Variants in CACNA2D3 observed in about 807,000 individuals in gnomAD.
The protein encoded by CACNA2D3 is voltage-dependent calcium channel subunit alpha-2/delta-3.
A neutral mutation model predicts 160.6 loss-of-function variants in CACNA2D3; 60 were observed. The ratio of observed to expected loss-of-function variants is 0.37; its 90% CI spans 0.30 to 0.46. CACNA2D3 has a LOEUF of 0.46. Ranked by LOEUF, CACNA2D3 falls within the 20% of genes least tolerant of loss-of-function variation. The pLI is 1.00. For synonymous variants in CACNA2D3, 558 were observed against 492.9 expected, an observed-to-expected ratio of 1.13 and a Z score of -1.75; for missense variants, 1,205 against 1,365.0, an observed-to-expected ratio of 0.88 and a Z score of 1.85.
intron 14 of CACNA2D3, among the ~76,000 whole-genome samples, chr3:54,818,797 C>CT (rs1224046792): frequency 6.6e-6 from 1 of 152,114 alleles, no homozygotes; most frequent in African/African-American, 2.4e-5. Flanking sequence ...TAGAAATTGT[C>CT]TTTTTTCTGT....
intron 13 of CACNA2D3, among the ~76,000 whole-genome samples, chr3:54,766,456 C>T (rs1031362567): frequency 1.3e-5 from 2 of 152,102 alleles, no homozygotes; most frequent in Non-Finnish European, 2.9e-5. Context: ...AAACTAAAAG[C>T]TTAACCTTGC....
chr3:54,344,046 G>A (rs1234353303), intron 3 of CACNA2D3, among the ~76,000 whole-genome samples: 2 of 152,164 alleles, frequency 1.3e-5, no homozygotes, highest in Non-Finnish European at 2.9e-5. Flanking sequence ...TTTAAAGGAA[G>A]TTTTTACGAA....
chr3:54,990,140 A>G (rs1702707509), intron 31 of CACNA2D3, among the ~76,000 whole-genome samples: 1 of 152,172 alleles, frequency 6.6e-6, no homozygotes, highest in Admixed American at 6.5e-5. Flanking sequence ...GAAACTCGAG[A>G]TCAGTTTACT....
At chr3:54,304,899 G>A (rs534231077) in intron 2 of CACNA2D3, among the ~76,000 whole-genome samples, 5 of 151,908 alleles carry the variant, frequency 3.3e-5, no homozygotes, top group African/African-American at 7.2e-5. Flanking sequence ...TGGTTCCTCC[G>A]AGCATCTTTT....
chr3:54,637,239 G>A (rs951099491), intron 10 of CACNA2D3, among the ~76,000 whole-genome samples: 3 of 151,912 alleles, frequency 2.0e-5, no homozygotes, highest in Non-Finnish European at 2.9e-5. Context: ...GGATATTGGC[G>A]TTGAGTAGGG....
At chr3:54,403,281 G>T (rs556739644) in intron 4 of CACNA2D3, among the ~76,000 whole-genome samples, 1 of 151,516 alleles carries the variant, frequency 6.6e-6, no homozygotes, top group East Asian at 2.0e-4. Context: ...CTTAAACCTG[G>T]GAGGCAGAGG....
intron 5 of CACNA2D3, among the ~76,000 whole-genome samples, chr3:54,537,691 T>A (rs1333992710): frequency 6.6e-6 from 1 of 152,126 alleles, no homozygotes; most frequent in African/African-American, 2.4e-5. Flanking sequence ...TCATGGACAC[T>A]CGGGCATAGT....
At chr3:54,488,978 C>T (rs1701063456) in intron 4 of CACNA2D3, among the ~76,000 whole-genome samples, 1 of 152,150 alleles carries the variant, frequency 6.6e-6, no homozygotes, top group Non-Finnish European at 1.5e-5. Context: ...GAAGGTGGAG[C>T]AGGTATCCTG....
intron 2 of CACNA2D3, among the ~76,000 whole-genome samples, chr3:54,222,366 GCCAATGTCCTGAAGGCAGGAATAAA>G (rs1701590994): frequency 1.3e-5 from 2 of 152,176 alleles, no homozygotes; most frequent in African/African-American, 2.4e-5. Flanking sequence ...GCAGGAATAA[GCCAATGTCCTGAAGGCAGGAATAAA>G]CCAATGTCCC....
At chr3:54,140,989 G>A (rs1392851796) in intron 2 of CACNA2D3, among the ~76,000 whole-genome samples, 1 of 152,042 alleles carries the variant, frequency 6.6e-6, no homozygotes, top group Non-Finnish European at 1.5e-5. Context: ...AAGCTAGTGG[G>A]GGCTCGTTGG....
At chr3:54,538,683 C>T (rs930162230) in intron 5 of CACNA2D3, among the ~76,000 whole-genome samples, 3 of 152,160 alleles carry the variant, frequency 2.0e-5, no homozygotes, top group African/African-American at 7.2e-5. Flanking sequence ...CACTGTCCTC[C>T]CATGCTGCCT....
intron 2 of CACNA2D3, among the ~76,000 whole-genome samples, chr3:54,285,954 G>A (rs866712935): frequency 6.6e-6 from 1 of 152,134 alleles, no homozygotes; most frequent in Non-Finnish European, 1.5e-5. Flanking sequence ...AAGACCAAAA[G>A]TAGATAAAAC....
intron 13 of CACNA2D3, among the ~76,000 whole-genome samples, chr3:54,778,180 C>T (rs1208646137): frequency 6.6e-6 from 1 of 152,140 alleles, no homozygotes; most frequent in Non-Finnish European, 1.5e-5. Flanking sequence ...CACTTTTAAA[C>T]AACCAGATCT....
chr3:54,279,733 A>G (rs1459186326), intron 2 of CACNA2D3, among the ~76,000 whole-genome samples: 2 of 152,172 alleles, frequency 1.3e-5, no homozygotes, highest in East Asian at 3.8e-4. Context: ...GAGTTCTAGC[A>G]TCTTGTGCAC....
At chr3:54,586,423 CAAAG>C (rs1265092447) in intron 9 of CACNA2D3, among the ~76,000 whole-genome samples, 4 of 151,986 alleles carry the variant, frequency 2.6e-5, no homozygotes, top group South Asian at 4.1e-4. Context: ...TTACTAGAGA[CAAAG>C]AAAGGGATAT....
rs145670149 is a variant in CACNA2D3, at chr3:54,290,277, A to G, written c.205-30165A>G. Among the ~76,000 whole-genome samples the G allele has an allele frequency of 8.2e-3, 1,248 of 152,364 alleles. 14 individuals carry two copies. The highest frequency in any genetic ancestry group is 0.026 in the African/African-American group (1,098 of 41,586). On this transcript the variant is annotated intron_variant, in intron 2 of 37. Transcript: ENST00000474759. ...ATGAACAGACCCTTCTGAAAAGAAG[A>G]CATTTATGCAGCCAAAAAGCACATG...
chr3:54,905,211 GA>G (rs1700427687), intron 27 of CACNA2D3, among the ~76,000 whole-genome samples: 1 of 152,182 alleles, frequency 6.6e-6, no homozygotes, highest in Non-Finnish European at 1.5e-5. Context: ...TGTTACTGGA[GA>G]AATTTGAAAA....
intron 8 of CACNA2D3, among the ~76,000 whole-genome samples, chr3:54,571,563 G>A (rs992108660): frequency 3.3e-5 from 5 of 151,224 alleles, no homozygotes; most frequent in African/African-American, 1.2e-4. Flanking sequence ...TCTTACCAAA[G>A]GCTCGTCAGA....
At chr3:54,786,532 T>C (rs1702645292) in intron 13 of CACNA2D3, among the ~76,000 whole-genome samples, 1 of 152,228 alleles carries the variant, frequency 6.6e-6, no homozygotes, top group Non-Finnish European at 1.5e-5. Context: ...CTCTTCACTT[T>C]GTAAGCATCC....
Sources: gnomAD v4.1 joint callset for allele counts (sites outside exome capture counted in the v4.1 genomes callset) on GRCh38, gnomAD v4.1.1 for gene constraint, MANE v1.5 for transcripts, NCBI Gene and HGNC (gene_info 2026-07-23, HGNC 2026-07-21) for gene names.